The following SSBP3 variants were observed in gnomAD, a reference collection of about 807,000 sequenced individuals.
SSBP3 encodes single-stranded DNA-binding protein 3.
Under a neutral mutation model 69.6 loss-of-function variants are expected in SSBP3, and 5 were observed. That is an observed-to-expected ratio of 0.07 (90% CI 0.04 to 0.15). SSBP3 has a LOEUF of 0.15. Ranked by LOEUF, SSBP3 falls within the 10% of genes least tolerant of loss-of-function variation. The pLI, the probability that SSBP3 is intolerant of heterozygous loss-of-function variation, is 1.00. For missense variants in SSBP3, 312 were observed against 534.0 expected (o/e 0.58, Z 4.10); for synonymous variants, 196 against 193.4 (o/e 1.01, Z -0.11).
At position 54,315,830 on chromosome 1, in the gene SSBP3, T is replaced by G. The variant is rs552219707; in HGVS notation, c.277-34303A>C. Among the ~76,000 whole-genome samples the G allele has an allele frequency of 2.6e-5, 4 of 151,596 alleles. No individual in the cohort carries two copies. In the East Asian group the frequency reaches 7.8e-4, roughly 30 times the overall value. The stretch of plus-strand genomic sequence containing the variant: ...GCTCACGCTACTATGCCCAGCTGAT[T>G]TTTTTTTCTTTGGTAGAGACAGGGT... On this transcript the variant is annotated intron_variant, in intron 4 of 17. Coordinates refer to ENST00000610401, the Ensembl canonical transcript of SSBP3.
rs181100750 is a variant in SSBP3, at chr1:54,272,917, G to A, written c.366+8521C>T. On this transcript the variant is annotated intron_variant, in intron 5 of 17. Coordinates refer to ENST00000610401, the Ensembl canonical transcript of SSBP3. ...AGTTTACACCCCCAGTGAGGGCTTC[G>A]CCAGGAGCAGCAGCAAGAACAGAGC... Among the ~76,000 whole-genome samples, 6 of 152,298 alleles carry A rather than the reference G, an allele frequency of 3.9e-5. No individual in the cohort carries two copies. The East Asian group carries it at 9.6e-4, about 24-fold the overall frequency.
In SSBP3 at chr1:54,327,267, A is replaced by AGGAAGGAG. The variant is rs1361945124; in HGVS notation, c.277-45741_277-45740insCTCCTTCC. 5.7e-4 allele frequency among the ~76,000 whole-genome samples: 84 copies of AGGAAGGAG among 148,034 alleles called. 1 individual carries two copies. The highest frequency in any genetic ancestry group is 5.5e-3 in the Admixed American group (81 of 14,756). On this transcript the variant is annotated intron_variant, in intron 4 of 17. Coordinates refer to ENST00000610401, the Ensembl canonical transcript of SSBP3. Reference sequence around the variant, plus strand: ...AAGGAAGGAAGGAAGGAAGGAAGGAAGGAAAACAACAACAAGAACAACAAC... The same window carrying AGGAAGGAG: ...AAGGAAGGAAGGAAGGAAGGAAGGAAGGAAGGAGGGAAAACAACAACAAGAACAACAAC...
chr1:54,281,618 C>A, intron 4 of SSBP3, 91 bp from the exon 5 acceptor site: 1 of 1,196,028 alleles, frequency 8.4e-7, no homozygotes, highest in South Asian at 1.3e-5. Flanking sequence ...CCCTGTCCGT[C>A]CACATTCCCC....
intron 12 of SSBP3, 60 bp from the exon 13 acceptor site, chr1:54,241,019 C>T: frequency 6.5e-7 from 1 of 1,531,854 alleles, no homozygotes; most frequent in South Asian, 1.2e-5. Context: ...TGGGGAGGGG[C>T]CGGCATCCTC....
At chr1:54,243,831 A>ATT (rs1199794064) in intron 9 of SSBP3, among the ~76,000 whole-genome samples, 1 of 152,182 alleles carries the variant, frequency 6.6e-6, no homozygotes, top group Non-Finnish European at 1.5e-5. Flanking sequence ...TACCCCACCC[A>ATT]TGTGTCAGCA....
intron 4 of SSBP3, among the ~76,000 whole-genome samples, chr1:54,333,675 G>A (rs1470992566): frequency 1.3e-5 from 2 of 152,164 alleles, no homozygotes; most frequent in Non-Finnish European, 2.9e-5. Flanking sequence ...TACCCTCTCT[G>A]TGTCTCAGTT....
intron 7 of SSBP3, among the ~76,000 whole-genome samples, chr1:54,253,760 G>A (rs960701421): frequency 2.8e-4 from 43 of 152,196 alleles, no homozygotes; most frequent in Admixed American, 2.1e-3. Flanking sequence ...GTGGATGGGG[G>A]ACCTTCAGGG....
intron 4 of SSBP3, among the ~76,000 whole-genome samples, chr1:54,321,474 A>G (rs1042279651): frequency 7.9e-5 from 12 of 152,200 alleles, no homozygotes; most frequent in African/African-American, 2.7e-4. Context: ...GAAAGCTCTC[A>G]CTGCATTACC....
rs563007491 is a variant in SSBP3, at chr1:54,340,889, G to A, written c.277-59362C>T. Among the ~76,000 whole-genome samples the A allele has an allele frequency of 3.9e-5, 6 of 152,330 alleles. No homozygotes were observed. The East Asian group carries it at 1.2e-3, about 29-fold the overall frequency. Reference sequence around the variant, plus strand: ...CCACCAGAGCCAATCCAAGAAACAAGGCTGTCATTCCACTCCACCCTGCTG... The same window carrying A: ...CCACCAGAGCCAATCCAAGAAACAAAGCTGTCATTCCACTCCACCCTGCTG... On this transcript the variant is annotated intron_variant, in intron 4 of 17. Transcript: ENST00000610401.
At chr1:54,371,880 G>A (rs1363413356) in intron 4 of SSBP3, among the ~76,000 whole-genome samples, 2 of 152,078 alleles carry the variant, frequency 1.3e-5, no homozygotes, top group Non-Finnish European at 2.9e-5. Flanking sequence ...TACAGGAACC[G>A]AGGGAAGGGC....
At chr1:54,262,493 C>T (rs1360575921) in intron 5 of SSBP3, among the ~76,000 whole-genome samples, 2 of 152,186 alleles carry the variant, frequency 1.3e-5, no homozygotes. Flanking sequence ...TGCTGACCTC[C>T]TATGTGGCCA....
upstream of SSBP3, among the ~76,000 whole-genome samples, chr1:54,408,196 G>A (rs905046873): frequency 1.3e-5 from 2 of 152,186 alleles, no homozygotes; most frequent in Non-Finnish European, 2.9e-5. Flanking sequence ...GTTTATGGGC[G>A]TCTGTGCGCT....
intron 9 of SSBP3, among the ~76,000 whole-genome samples, chr1:54,251,047 G>T (rs775507787): frequency 2.6e-5 from 4 of 152,226 alleles, no homozygotes; most frequent in Non-Finnish European, 4.4e-5. Context: ...TGGGTGCTGG[G>T]GTCCTGCCAG....
At chr1:54,321,156 G>GA (rs1276445696) in intron 4 of SSBP3, among the ~76,000 whole-genome samples, 1 of 152,238 alleles carries the variant, frequency 6.6e-6, no homozygotes, top group African/African-American at 2.4e-5. Context: ...TGACCCTGGA[G>GA]AGACAGGAGA....
At chr1:54,254,291 GCT>G (rs1644881863) in intron 7 of SSBP3, among the ~76,000 whole-genome samples, 1 of 152,318 alleles carries the variant, frequency 6.6e-6, no homozygotes, top group East Asian at 1.9e-4. Context: ...GCATCCGCAT[GCT>G]CTCTCACCTG....
chr1:54,347,365 C>CT (rs35306141), intron 4 of SSBP3, among the ~76,000 whole-genome samples: 6 of 147,008 alleles, frequency 4.1e-5, no homozygotes, highest in East Asian at 2.0e-4. Flanking sequence ...AATTTGTCCC[C>CT]TTTTTAAAAA....
intron 4 of SSBP3, among the ~76,000 whole-genome samples, chr1:54,327,467 A>G (rs1346032661): frequency 6.6e-6 from 1 of 152,136 alleles, no homozygotes; most frequent in African/African-American, 2.4e-5. Context: ...ACAGCCATCA[A>G]TCACTCTGTA....
At chr1:54,335,957 G>C (rs1488821370) in intron 4 of SSBP3, 1 of 152,276 alleles carries the variant, frequency 6.6e-6, no homozygotes, top group African/African-American at 2.4e-5. Context: ...TGATGTCACA[G>C]GACAAGCATG....
intron 4 of SSBP3, chr1:54,326,210 C>A (rs1324028303): frequency 6.6e-6 from 1 of 152,354 alleles, no homozygotes; most frequent in East Asian, 1.9e-4. Context: ...AGTCCCATCT[C>A]TGACACAACT....
Sources: gnomAD v4.1 joint callset for allele counts (sites outside exome capture counted in the v4.1 genomes callset) on GRCh38, gnomAD v4.1.1 for gene constraint, MANE v1.5 for transcripts, NCBI Gene and HGNC (gene_info 2026-07-23, HGNC 2026-07-21) for gene names.